Variants in ITPR1 observed in about 807,000 individuals in gnomAD.
ITPR1 encodes the protein inositol 1,4,5-trisphosphate-gated calcium channel ITPR1.
ITPR1 carries 96 observed loss-of-function variants against 318.4 expected under a neutral mutation model. The ratio of observed to expected loss-of-function variants is 0.30; its 90% confidence interval spans 0.26 to 0.36. The LOEUF (loss-of-function observed/expected upper bound fraction) is 0.36. Among genes scored for constraint, ITPR1 ranks in the 10% least tolerant of loss-of-function variants. The pLI, the probability that ITPR1 is intolerant of heterozygous loss-of-function variation, is 1.00. For missense variants in ITPR1, 2,440 were observed against 3,460.2 expected, an observed-to-expected ratio of 0.71 and a Z score of 7.40; for synonymous variants, 1,312 against 1,289.9, an observed-to-expected ratio of 1.02 and a Z score of -0.37.
At chr3:4,700,633 A>G (rs371719796) in intron 35 of ITPR1, among the ~76,000 whole-genome samples, 1 of 152,152 alleles carries the variant, frequency 6.6e-6, no homozygotes, top group Admixed American at 6.5e-5. Context: ...AAGAAAGGGG[A>G]GGATTTTAGG....
intron 21 of ITPR1, 64 bp from the exon 22 acceptor site, chr3:4,674,138 C>A: frequency 7.3e-7 from 1 of 1,375,618 alleles, no homozygotes; most frequent in Non-Finnish European, 9.9e-7. Context: ...AGCTGAGTGA[C>A]CCAGGAAGAC....
At chr3:4,665,622 A>G (rs983975854) in intron 17 of ITPR1, among the ~76,000 whole-genome samples, 9 of 152,312 alleles carry the variant, frequency 5.9e-5, no homozygotes, top group African/African-American at 1.7e-4. Context: ...TATTAAAGAT[A>G]TAGTGGAGTC....
intron 4 of ITPR1, among the ~76,000 whole-genome samples, chr3:4,593,312 G>A (rs9846619): frequency 0.22 from 33,730 of 152,040 alleles, 4,282 homozygotes; most frequent in East Asian, 0.39. Flanking sequence ...AGTAACTGTT[G>A]TATTTGTAAA....
chr3:4,588,073 G>C (rs1230066598), intron 4 of ITPR1, among the ~76,000 whole-genome samples: 3 of 152,142 alleles, frequency 2.0e-5, no homozygotes, highest in Non-Finnish European at 4.4e-5. Context: ...AAAGACATTT[G>C]GTTCAATCTG....
chr3:4,688,802 A>G (rs1158993125), intron 31 of ITPR1, among the ~76,000 whole-genome samples, 182 bp downstream of exon 31: 1 of 152,156 alleles, frequency 6.6e-6, no homozygotes, highest in African/African-American at 2.4e-5. Flanking sequence ...TGGGGATGAG[A>G]TGGCAGGAGT....
chr3:4,838,667 T>A (rs1180745411), intron 61 of ITPR1, among the ~76,000 whole-genome samples: 1 of 152,226 alleles, frequency 6.6e-6, no homozygotes, highest in Admixed American at 6.5e-5. Context: ...GGTACTGGAA[T>A]TGCAACAGTG....
At chr3:4,535,691 C>T (rs951863596) in intron 4 of ITPR1, among the ~76,000 whole-genome samples, 6 of 151,850 alleles carry the variant, frequency 4.0e-5, no homozygotes, top group Admixed American at 1.3e-4. Flanking sequence ...GTGATCCACC[C>T]GCCTCGGCCT....
chr3:4,746,662 A>T (rs1229580100), intron 44 of ITPR1, among the ~76,000 whole-genome samples: 2 of 152,232 alleles, frequency 1.3e-5, no homozygotes, highest in Non-Finnish European at 2.9e-5. Context: ...CCCCTCGAGG[A>T]GCCTCCACAC....
intron 24 of ITPR1, among the ~76,000 whole-genome samples, chr3:4,677,251 G>C (rs1207676888): frequency 1.3e-5 from 2 of 152,218 alleles, no homozygotes; most frequent in African/African-American, 4.8e-5. Flanking sequence ...GCACTGGGAG[G>C]GTCCAGCAAT....
At chr3:4,814,317 T>A in intron 57 of ITPR1, 106 bp from the exon 58 acceptor site, 1 of 1,222,328 alleles carries the variant, frequency 8.2e-7, no homozygotes. Context: ...TTAATTTTAT[T>A]CTTTCGTGTG....
At chr3:4,833,684 C>G (rs1295852748) in intron 60 of ITPR1, among the ~76,000 whole-genome samples, 1 of 152,198 alleles carries the variant, frequency 6.6e-6, no homozygotes, top group African/African-American at 2.4e-5. Flanking sequence ...CCTGTCTGCC[C>G]TCATCCCCAG....
intron 2 of ITPR1, among the ~76,000 whole-genome samples, chr3:4,512,749 C>G (rs750796463): frequency 1.3e-5 from 2 of 152,164 alleles, no homozygotes; most frequent in Non-Finnish European, 2.9e-5. Flanking sequence ...TTATTTCACC[C>G]ATTGCTCACC....
At chr3:4,722,300 A>G (rs1246839879) in intron 40 of ITPR1, among the ~76,000 whole-genome samples, 1 of 152,190 alleles carries the variant, frequency 6.6e-6, no homozygotes, top group Non-Finnish European at 1.5e-5. Flanking sequence ...TCAGATCACT[A>G]TGAATCGCCT....
At chr3:4,508,725 A>G (rs1266638993) in intron 2 of ITPR1, among the ~76,000 whole-genome samples, 6 of 152,162 alleles carry the variant, frequency 3.9e-5, no homozygotes, top group African/African-American at 1.4e-4. Context: ...ATACTGAATT[A>G]CTATCCCTTT....
chr3:4,701,606 G>C (rs2094653911), intron 35 of ITPR1, among the ~76,000 whole-genome samples: 1 of 152,212 alleles, frequency 6.6e-6, no homozygotes, highest in Admixed American at 6.5e-5. Flanking sequence ...CATGGAAAGA[G>C]CATGGAGGTT....
intron 61 of ITPR1, among the ~76,000 whole-genome samples, chr3:4,844,539 A>G (rs1268327910): frequency 6.6e-6 from 1 of 152,244 alleles, no homozygotes; most frequent in Non-Finnish European, 1.5e-5. Context: ...TGGGAGAAAA[A>G]TCTGAGCTAA....
At chr3:4,765,222 C>T (rs1575168297) in intron 44 of ITPR1, among the ~76,000 whole-genome samples, 1 of 152,036 alleles carries the variant, frequency 6.6e-6, no homozygotes, top group East Asian at 1.9e-4. Flanking sequence ...TGGCATTTGG[C>T]AGTGGCTGGA....
chr3:4,791,523 C>T (rs533373356), intron 52 of ITPR1, among the ~76,000 whole-genome samples: 8 of 152,332 alleles, frequency 5.3e-5, no homozygotes, highest in Admixed American at 6.5e-5. Flanking sequence ...TGGTAATGCT[C>T]GCTTGCTGCT....
rs747201343 is a variant in ITPR1, at chr3:4,733,095, C to T, written c.5228C>T (p.Ala1743Val). ...RQLEDHKRGEALRQVLVNRYY... is the reference protein window; with the variant it reads ...RQLEDHKRGEVLRQVLVNRYY... ...TATCCTGTTTGAATTAAGGGTGAGG[C>T]GCTCAGGCAAGTTCTGGTCAACCGT... The change falls in exon 43 of 62, where the codon GCG (alanine) becomes GTG (valine). Residue 1743 changes from alanine to valine, a missense_variant. Coordinates refer to ENST00000649015, the MANE Select transcript of ITPR1 (RefSeq NM_001378452.1). The T allele has an allele frequency of 2.6e-5, 42 of 1,612,710 alleles. No individual in the cohort carries two copies. The highest frequency in any genetic ancestry group is 2.9e-5 in the Non-Finnish European group (34 of 1,179,422).
Sources: allele counts gnomAD v4.1 joint callset (sites outside exome capture counted in the v4.1 genomes callset), GRCh38; gene constraint gnomAD v4.1.1; transcripts MANE v1.5; gene names NCBI Gene and HGNC (gene_info 2026-07-23, HGNC 2026-07-21).